The following CDK14 variants were observed in gnomAD, a reference collection of about 807,000 sequenced individuals.
The protein encoded by CDK14 is cyclin-dependent kinase 14.
A neutral mutation model predicts 60.7 loss-of-function variants in CDK14; 34 were observed. The observed-to-expected ratio is 0.56, with a 90% CI of 0.43 to 0.75. The LOEUF (loss-of-function observed/expected upper bound fraction) is 0.75, where lower values mean the gene tolerates loss of function less well. CDK14 is among the 30% of genes least tolerant of loss of function. CDK14 has a pLI of 0.00. For missense variants in CDK14, 482 were observed against 564.1 expected (o/e 0.85, Z 1.47); for synonymous variants, 197 against 203.7 (o/e 0.97, Z 0.28).
At chr7:90,959,792 A>C (rs888594631) in intron 9 of CDK14, among the ~76,000 whole-genome samples, 18 of 152,312 alleles carry the variant, frequency 1.2e-4, no homozygotes, top group African/African-American at 4.3e-4. Context: ...CTTGCAATGA[A>C]CAAACAACCC....
intron 6 of CDK14, among the ~76,000 whole-genome samples, chr7:90,865,605 G>A (rs1027519095): frequency 2.0e-5 from 3 of 152,066 alleles, no homozygotes; most frequent in African/African-American, 4.8e-5. Context: ...ATTAGTGAGC[G>A]GCATAAGGTA....
intron 12 of CDK14, among the ~76,000 whole-genome samples, chr7:91,081,135 C>T (rs1183268337): frequency 6.6e-6 from 1 of 152,156 alleles, no homozygotes; most frequent in Non-Finnish European, 1.5e-5. Flanking sequence ...GTATTAAGTG[C>T]TGAATCTTTA....
At chr7:90,676,581 G>A (rs1040796640) in intron 2 of CDK14, among the ~76,000 whole-genome samples, 9 of 150,848 alleles carry the variant, frequency 6.0e-5, no homozygotes, top group Non-Finnish European at 1.0e-4. Flanking sequence ...CACCCAGGCT[G>A]GAGTGCAGTG....
At chr7:91,050,209 C>T (rs1584265598) in intron 11 of CDK14, among the ~76,000 whole-genome samples, 1 of 152,072 alleles carries the variant, frequency 6.6e-6, no homozygotes, top group South Asian at 2.1e-4. Context: ...TTGAACAAGG[C>T]AGCACAGGAG....
At chr7:90,841,265 A>G (rs1232298987) in intron 5 of CDK14, among the ~76,000 whole-genome samples, 1 of 152,186 alleles carries the variant, frequency 6.6e-6, no homozygotes, top group African/African-American at 2.4e-5. Flanking sequence ...CATACAATAT[A>G]GAAAACAAAC....
intron 2 of CDK14, among the ~76,000 whole-genome samples, chr7:90,702,135 A>G (rs368465506): frequency 5.4e-4 from 82 of 152,286 alleles, no homozygotes; most frequent in African/African-American, 1.9e-3. Context: ...TTCCCCAGGA[A>G]GAGAGAAAAA....
intron 12 of CDK14, among the ~76,000 whole-genome samples, chr7:91,105,210 C>T (rs1799253794): frequency 6.6e-6 from 1 of 152,216 alleles, no homozygotes. Flanking sequence ...TGAAGTTGTT[C>T]TCTAAAATAG....
At position 91,143,912 on chromosome 7, in the gene CDK14, A is replaced by G. The variant is rs146010197; in HGVS notation, c.*28+25704A>G. ...TTCATGTCCTCAATGTCTTACAGCT[A>G]TGAAGTGGTAGAGCTAAATTTGTAA... On this transcript the variant is annotated intron_variant, in intron 14 of 14. Transcript: ENST00000380050. Among the ~76,000 whole-genome samples, 17 of 152,298 alleles carry G rather than the reference A, an allele frequency of 1.1e-4. No homozygotes were observed. In the East Asian group the frequency reaches 2.1e-3, roughly 19 times the overall value.
intron 12 of CDK14, among the ~76,000 whole-genome samples, chr7:91,105,288 G>C (rs1157851936): frequency 1.3e-5 from 2 of 152,240 alleles, no homozygotes; most frequent in Non-Finnish European, 2.9e-5. Flanking sequence ...AATAGGAATT[G>C]AGATTCTCCA....
intron 2 of CDK14, among the ~76,000 whole-genome samples, chr7:90,698,953 A>T (rs1254120279): frequency 6.6e-6 from 1 of 152,208 alleles, no homozygotes; most frequent in South Asian, 2.1e-4. Context: ...CCACAGAGAG[A>T]GAAGAGACTG....
chr7:90,749,141 G>A (rs1002976137), intron 4 of CDK14, among the ~76,000 whole-genome samples: 6 of 152,180 alleles, frequency 3.9e-5, no homozygotes, highest in Non-Finnish European at 8.8e-5. Context: ...TTAATTTTGA[G>A]AGTTGTAAAA....
rs1792017201 is a variant in CDK14, at chr7:90,888,345, TC to T, written c.640-10945del. ...AACCTGGCAACAGAGCAAGACTCCA[TC>T]TAAAAATAATAATAATAATAAAAGT... is the stretch of plus-strand genomic sequence containing the variant. On this transcript the variant is annotated intron_variant, in intron 6 of 14. Transcript: ENST00000380050. Among the ~76,000 whole-genome samples the T allele has an allele frequency of 5.3e-5, 8 of 152,250 alleles. 1 individual carries two copies. In the South Asian group the frequency reaches 1.7e-3, roughly 32 times the overall value.
intron 14 of CDK14, among the ~76,000 whole-genome samples, chr7:91,125,122 G>C (rs1386386015): frequency 6.6e-6 from 1 of 152,100 alleles, no homozygotes; most frequent in East Asian, 1.9e-4. Context: ...ACAATGTCGA[G>C]AAGGAAAGGC....
chr7:90,851,049 A>C (rs1269253353), intron 5 of CDK14, among the ~76,000 whole-genome samples: 1 of 152,190 alleles, frequency 6.6e-6, no homozygotes, highest in African/African-American at 2.4e-5. Context: ...CAGCAAAAAA[A>C]CTAGGAATGG....
intron 2 of CDK14, among the ~76,000 whole-genome samples, chr7:90,700,962 A>T (rs964064577): frequency 6.6e-6 from 1 of 152,228 alleles, no homozygotes; most frequent in Non-Finnish European, 1.5e-5. Context: ...CACAGAAAAA[A>T]TCTTTCAGTC....
intron 2 of CDK14, among the ~76,000 whole-genome samples, chr7:90,721,947 G>A (rs916874498): frequency 3.9e-5 from 6 of 152,134 alleles, no homozygotes; most frequent in Non-Finnish European, 8.8e-5. Context: ...GTTAATATAA[G>A]CATTCAACTG....
chr7:90,651,334 C>G (rs1052209259), intron 2 of CDK14, among the ~76,000 whole-genome samples: 3 of 151,968 alleles, frequency 2.0e-5, no homozygotes, highest in Non-Finnish European at 4.4e-5. Context: ...CACTGTGTGC[C>G]CCACCCCCCA....
chr7:90,860,972 A>G (rs777502025), intron 5 of CDK14, among the ~76,000 whole-genome samples: 1 of 152,144 alleles, frequency 6.6e-6, no homozygotes, highest in Non-Finnish European at 1.5e-5. Context: ...AGGAGTAGAT[A>G]CCCAGAGGCC....
chr7:91,187,785 G>T (rs1245968435), intron 14 of CDK14, among the ~76,000 whole-genome samples: 2 of 152,174 alleles, frequency 1.3e-5, no homozygotes, highest in African/African-American at 4.8e-5. Context: ...TCCACAGATT[G>T]GTTCGACCAA....
Sources: allele counts gnomAD v4.1 joint callset (sites outside exome capture counted in the v4.1 genomes callset), GRCh38; gene constraint gnomAD v4.1.1; transcripts MANE v1.5; gene names NCBI Gene and HGNC (gene_info 2026-07-23, HGNC 2026-07-21).